Variants in PDE4B observed in about 807,000 individuals in gnomAD.
PDE4B encodes 3',5'-cyclic-AMP phosphodiesterase 4B.
In PDE4B, 20 loss-of-function variants were observed where a neutral mutation model predicts 82.2. The ratio of observed to expected loss-of-function variants is 0.24; its 90% CI spans 0.17 to 0.35. The LOEUF is 0.35. PDE4B is among the 10% of genes least tolerant of loss of function. PDE4B has a pLI of 1.00. For synonymous variants in PDE4B, 320 were observed against 318.9 expected (o/e 1.00, Z -0.04); for missense variants, 655 against 907.2 (o/e 0.72, Z 3.57).
At chr1:66,259,097 C>G (rs946528440) in intron 6 of PDE4B, among the ~76,000 whole-genome samples, 1 of 152,196 alleles carries the variant, frequency 6.6e-6, no homozygotes, top group Non-Finnish European at 1.5e-5. Flanking sequence ...TATATGAAAT[C>G]TAGAGGCTTG....
At chr1:66,019,199 C>G (rs1557501757) in intron 3 of PDE4B, among the ~76,000 whole-genome samples, 1 of 151,940 alleles carries the variant, frequency 6.6e-6, no homozygotes, top group Non-Finnish European at 1.5e-5. Context: ...TGCTTCTTTT[C>G]ACCTACAAAT....
chr1:66,294,359 A>C (rs1300818565), intron 7 of PDE4B, among the ~76,000 whole-genome samples: 1 of 152,138 alleles, frequency 6.6e-6, no homozygotes, highest in Non-Finnish European at 1.5e-5. Flanking sequence ...TCAACTTCTG[A>C]TTGTTTATTC....
intron 1 of PDE4B, among the ~76,000 whole-genome samples, chr1:65,891,636 T>C (rs994868983): frequency 9.9e-5 from 15 of 152,070 alleles, no homozygotes; most frequent in Non-Finnish European, 1.3e-4. Flanking sequence ...TTCAATTCAA[T>C]GTAATGAATG....
At chr1:66,165,099 C>A (rs1646702575) in intron 3 of PDE4B, among the ~76,000 whole-genome samples, 1 of 152,088 alleles carries the variant, frequency 6.6e-6, no homozygotes, top group African/African-American at 2.4e-5. Flanking sequence ...TCCTGCACTG[C>A]TGCTATATCT....
At chr1:66,127,133 A>G (rs1239260484) in intron 3 of PDE4B, among the ~76,000 whole-genome samples, 1 of 152,082 alleles carries the variant, frequency 6.6e-6, no homozygotes, top group African/African-American at 2.4e-5. Flanking sequence ...TAAAGACAGT[A>G]GTTTAGTTAA....
chr1:65,854,548 A>G (rs1646370736), intron 1 of PDE4B, among the ~76,000 whole-genome samples: 1 of 151,872 alleles, frequency 6.6e-6, no homozygotes, highest in South Asian at 2.1e-4. Context: ...TCATCATTTT[A>G]AAGTCATGGC....
intron 3 of PDE4B, among the ~76,000 whole-genome samples, chr1:66,237,957 A>C (rs1002196009): frequency 4.6e-5 from 7 of 152,186 alleles, no homozygotes; most frequent in African/African-American, 1.4e-4. Flanking sequence ...GAAGGCAATA[A>C]AAGGGGAAAA....
At chr1:66,323,428 A>G (rs1196858954) in intron 7 of PDE4B, among the ~76,000 whole-genome samples, 2 of 152,168 alleles carry the variant, frequency 1.3e-5, no homozygotes, top group Non-Finnish European at 2.9e-5. Flanking sequence ...TCCAAGTTGT[A>G]CTAAGTTTTT....
At chr1:65,982,681 G>A (rs1018826413) in intron 3 of PDE4B, among the ~76,000 whole-genome samples, 1 of 152,174 alleles carries the variant, frequency 6.6e-6, no homozygotes, top group Non-Finnish European at 1.5e-5. Flanking sequence ...TTTTCTATCA[G>A]CAGAAACACT....
At chr1:66,017,790 A>G (rs1652860436) in intron 3 of PDE4B, among the ~76,000 whole-genome samples, 2 of 152,164 alleles carry the variant, frequency 1.3e-5, no homozygotes, top group Admixed American at 1.3e-4. Context: ...TTTGTGAGAT[A>G]CAGAAATCTT....
intron 13 of PDE4B, 102 bp from the exon 14 acceptor site, chr1:66,367,594 A>C: frequency 1.1e-6 from 1 of 921,258 alleles, no homozygotes; most frequent in Non-Finnish European, 1.6e-6. Context: ...GTGGTTCTTG[A>C]AATAATTTGG....
At chr1:66,307,950 C>G (rs993628158) in intron 7 of PDE4B, among the ~76,000 whole-genome samples, 1 of 152,096 alleles carries the variant, frequency 6.6e-6, no homozygotes, top group African/African-American at 2.4e-5. Context: ...CAGGCTTTAG[C>G]TGCATGTTGC....
At chr1:66,289,357 TA>T (rs1285324130) in intron 7 of PDE4B, among the ~76,000 whole-genome samples, 3 of 152,062 alleles carry the variant, frequency 2.0e-5, no homozygotes, top group Non-Finnish European at 4.4e-5. Flanking sequence ...TAGATTTTGA[TA>T]AGTGCTTCAA....
intron 1 of PDE4B, among the ~76,000 whole-genome samples, chr1:65,803,596 C>T (rs1180451360): frequency 6.6e-6 from 1 of 152,140 alleles, no homozygotes; most frequent in African/African-American, 2.4e-5. Context: ...AATAATGCAA[C>T]ATAGTAATAG....
At chr1:66,163,549 T>C (rs961074900) in intron 3 of PDE4B, among the ~76,000 whole-genome samples, 1 of 152,166 alleles carries the variant, frequency 6.6e-6, no homozygotes, top group Non-Finnish European at 1.5e-5. Context: ...TTATTTTTCA[T>C]ATTAAAGAAT....
chr1:66,371,405 C>T (rs1222269328), intron 16 of PDE4B, among the ~76,000 whole-genome samples: 1 of 151,922 alleles, frequency 6.6e-6, no homozygotes, highest in Non-Finnish European at 1.5e-5. Flanking sequence ...CTTGTCCCCA[C>T]CCCCAGTGTT....
intron 1 of PDE4B, among the ~76,000 whole-genome samples, chr1:65,902,917 T>TGG (rs1459698922): frequency 6.6e-6 from 1 of 152,170 alleles, no homozygotes; most frequent in African/African-American, 2.4e-5. Flanking sequence ...ATAGGCACTG[T>TGG]AGTGGAACAA....
intron 3 of PDE4B, among the ~76,000 whole-genome samples, chr1:65,970,059 A>G (rs373655102): frequency 2.0e-5 from 3 of 152,092 alleles, no homozygotes; most frequent in Non-Finnish European, 2.9e-5. Context: ...TACATCTTAA[A>G]GTATTATTTT....
At chr1:65,914,603 TA>T (rs56913869) in intron 2 of PDE4B, among the ~76,000 whole-genome samples, 26,906 of 139,682 alleles carry the variant, frequency 0.19, 2,665 homozygotes, top group Middle Eastern at 0.33. Flanking sequence ...CTTTTTTTCT[TA>T]AAAAAAAAAA....
Sources: gnomAD v4.1 joint callset for allele counts (sites outside exome capture counted in the v4.1 genomes callset) on GRCh38, gnomAD v4.1.1 for gene constraint, MANE v1.5 for transcripts, NCBI Gene and HGNC (gene_info 2026-07-23, HGNC 2026-07-21) for gene names.